Variants in EPHA6 observed in about 807,000 individuals in gnomAD.
EPHA6 encodes the protein ephrin type-A receptor 6.
EPHA6 carries 50 observed loss-of-function variants against 112.0 expected under a neutral mutation model. The ratio of observed to expected loss-of-function variants is 0.45; its 90% CI spans 0.36 to 0.56. The LOEUF is 0.56. EPHA6 is among the 20% of genes least tolerant of loss of function. The pLI is 0.00. For missense variants in EPHA6, 1,280 were observed against 1,417.4 expected, an observed-to-expected ratio of 0.90 and a Z score of 1.56; for synonymous variants, 529 against 490.7, an observed-to-expected ratio of 1.08 and a Z score of -1.03.
intron 3 of EPHA6, among the ~76,000 whole-genome samples, chr3:97,107,588 A>T (rs2047605490): frequency 6.6e-6 from 1 of 152,164 alleles, no homozygotes; most frequent in Non-Finnish European, 1.5e-5. Context: ...TAACTAAGTT[A>T]TTTCTAACTT....
Position 97,627,252 on chromosome 3 carries a change from A to G in EPHA6, c.2575-10621A>G, listed in dbSNP as rs115120385. ...CCTGGAATACAGAAGTAAGCAAAAG[A>G]GAATTAAAAAATTTAGTGGGTAGAG... is the stretch of plus-strand genomic sequence containing the variant. On this transcript the variant is annotated intron_variant, in intron 13 of 17. Transcript: ENST00000389672. Among the ~76,000 whole-genome samples, 1,338 of 152,040 alleles carry G rather than the reference A, an allele frequency of 8.8e-3. 16 individuals carry two copies. The highest frequency in any genetic ancestry group is 0.031 in the African/African-American group (1,288 of 41,524).
intron 11 of EPHA6, among the ~76,000 whole-genome samples, chr3:97,588,524 T>C (rs943874977): frequency 1.3e-5 from 2 of 152,240 alleles, no homozygotes; most frequent in African/African-American, 2.4e-5. Context: ...AAGTAAATTA[T>C]TAACATGTCA....
intron 5 of EPHA6, among the ~76,000 whole-genome samples, chr3:97,390,663 A>T (rs115306586): frequency 6.6e-6 from 1 of 151,998 alleles, no homozygotes; most frequent in East Asian, 1.9e-4. Flanking sequence ...AGAAAACATT[A>T]TGTAGAATCT....
intron 3 of EPHA6, among the ~76,000 whole-genome samples, chr3:97,001,175 A>C (rs2043650385): frequency 6.6e-6 from 1 of 151,842 alleles, no homozygotes; most frequent in African/African-American, 2.4e-5. Flanking sequence ...TATTTTGAAG[A>C]AAATGTGATT....
intron 3 of EPHA6, among the ~76,000 whole-genome samples, chr3:97,195,578 C>G (rs1016138083): frequency 2.0e-5 from 3 of 151,902 alleles, no homozygotes; most frequent in African/African-American, 7.2e-5. Flanking sequence ...CTTACCGTTA[C>G]CAGTGATTTT....
intron 11 of EPHA6, among the ~76,000 whole-genome samples, chr3:97,541,408 G>T (rs2092848359): frequency 6.6e-6 from 1 of 152,064 alleles, no homozygotes; most frequent in Non-Finnish European, 1.5e-5. Context: ...TATTAGTATG[G>T]TAGTATTAAT....
chr3:96,942,958 C>G (rs2041056309), intron 2 of EPHA6, among the ~76,000 whole-genome samples: 1 of 151,882 alleles, frequency 6.6e-6, no homozygotes, highest in Non-Finnish European at 1.5e-5. Flanking sequence ...GAACTTATTC[C>G]TCCTATCTAA....
chr3:96,932,576 T>C (rs1392690715), intron 2 of EPHA6, among the ~76,000 whole-genome samples: 1 of 152,196 alleles, frequency 6.6e-6, no homozygotes, highest in Non-Finnish European at 1.5e-5. Context: ...TTAGAAGACA[T>C]TAAATTGCTT....
At chr3:97,424,823 A>AG (rs2107203938) in intron 6 of EPHA6, among the ~76,000 whole-genome samples, 1 of 151,950 alleles carries the variant, frequency 6.6e-6, no homozygotes, top group Non-Finnish European at 1.5e-5. Flanking sequence ...AAAAAAAAAA[A>AG]AAGCAAGTTA....
At chr3:97,004,114 T>A (rs2107915645) in intron 3 of EPHA6, among the ~76,000 whole-genome samples, 1 of 152,292 alleles carries the variant, frequency 6.6e-6, no homozygotes, top group East Asian at 1.9e-4. Context: ...TATGCATGCA[T>A]GTGTCTTTAC....
intron 11 of EPHA6, among the ~76,000 whole-genome samples, chr3:97,555,026 C>T (rs969101445): frequency 2.0e-5 from 3 of 151,840 alleles, no homozygotes; most frequent in African/African-American, 7.3e-5. Context: ...GTGTGCTGCA[C>T]CCATTAACTC....
chr3:97,736,468 A>T (rs58598693), intron 16 of EPHA6, among the ~76,000 whole-genome samples: 14,163 of 108,552 alleles, frequency 0.13, 730 homozygotes, highest in Admixed American at 0.19. Context: ...AGAGAGAGAG[A>T]GAGTGTGTGT....
chr3:97,541,718 C>CT (rs1271464126), intron 11 of EPHA6, among the ~76,000 whole-genome samples: 13 of 118,130 alleles, frequency 1.1e-4, no homozygotes, highest in Admixed American at 2.6e-4. Flanking sequence ...GTCTTGTTTT[C>CT]TTTTTTTTGT....
intron 3 of EPHA6, among the ~76,000 whole-genome samples, chr3:97,216,946 G>A (rs574023280): frequency 1.1e-4 from 16 of 152,272 alleles, no homozygotes; most frequent in Admixed American, 1.0e-3. Flanking sequence ...TCAAGATGGA[G>A]TAACTTCTAC....
chr3:97,299,846 A>G (rs1424624772), intron 5 of EPHA6, among the ~76,000 whole-genome samples: 1 of 152,182 alleles, frequency 6.6e-6, no homozygotes, highest in East Asian at 1.9e-4. Flanking sequence ...GTTGGTAAGG[A>G]AAGCTTTAAT....
chr3:97,494,151 A>G (rs966243977), intron 10 of EPHA6, among the ~76,000 whole-genome samples: 6 of 152,214 alleles, frequency 3.9e-5, no homozygotes, highest in Admixed American at 6.5e-5. Flanking sequence ...TTGACATTTT[A>G]TCACAACTTT....
intron 3 of EPHA6, among the ~76,000 whole-genome samples, chr3:97,137,572 A>G (rs182266747): frequency 2.0e-4 from 31 of 152,308 alleles, no homozygotes; most frequent in Non-Finnish European, 4.0e-4. Context: ...CAAGTACTCA[A>G]TATTATTTTC....
intron 3 of EPHA6, among the ~76,000 whole-genome samples, chr3:97,023,332 G>T (rs984588661): frequency 2.0e-5 from 3 of 152,078 alleles, no homozygotes. Flanking sequence ...GCCTGCCTTG[G>T]CCTCCCAAAG....
At chr3:97,642,302 T>C (rs2094015326) in intron 14 of EPHA6, among the ~76,000 whole-genome samples, 4 of 102,474 alleles carry the variant, frequency 3.9e-5, no homozygotes, top group East Asian at 2.9e-4. Flanking sequence ...ATCACCATCA[T>C]CAAAGACCAA....
Sources: gnomAD v4.1 joint callset for allele counts (sites outside exome capture counted in the v4.1 genomes callset) on GRCh38, gnomAD v4.1.1 for gene constraint, MANE v1.5 for transcripts, NCBI Gene and HGNC (gene_info 2026-07-23, HGNC 2026-07-21) for gene names.